TBCEL: variants seen among roughly 807,000 people sequenced by gnomAD.
TBCEL encodes tubulin folding cofactor E like, also known as tubulin-specific chaperone cofactor E-like protein.
In TBCEL, 15 loss-of-function variants were observed where a neutral mutation model predicts 44.2. The observed-to-expected ratio is 0.34, with a 90% confidence interval of 0.23 to 0.52. TBCEL has a LOEUF of 0.52. Among genes scored for constraint, TBCEL ranks in the 20% least tolerant of loss-of-function variants. TBCEL has a pLI of 0.95. For missense variants in TBCEL, 319 were observed against 506.3 expected (o/e 0.63, Z 3.55); for synonymous variants, 171 against 185.4 (o/e 0.92, Z 0.63).
chr11:121,068,705 G>A (rs1005792981), intron 8 of TBCEL, among the ~76,000 whole-genome samples: 1 of 151,964 alleles, frequency 6.6e-6, no homozygotes, highest in Non-Finnish European at 1.5e-5. Flanking sequence ...CCAACATGGA[G>A]AGACCCTGTC....
At chr11:121,075,546 T>G (rs899985186) in intron 8 of TBCEL, among the ~76,000 whole-genome samples, 1 of 152,032 alleles carries the variant, frequency 6.6e-6, no homozygotes, top group Non-Finnish European at 1.5e-5. Flanking sequence ...ACAGGAATTT[T>G]ATTAAACTTA....
chr11:121,044,068 T>C (rs934016219), intron 2 of TBCEL, among the ~76,000 whole-genome samples: 4 of 152,116 alleles, frequency 2.6e-5, no homozygotes, highest in Non-Finnish European at 4.4e-5. Context: ...TTTTTGACTT[T>C]ACCTTCTCCC....
At chr11:121,070,508 G>T (rs1945909011) in intron 8 of TBCEL, among the ~76,000 whole-genome samples, 1 of 152,138 alleles carries the variant, frequency 6.6e-6, no homozygotes, top group Admixed American at 6.5e-5. Flanking sequence ...ATACACCATG[G>T]AATACTATGC....
Position 121,045,772 on chromosome 11 carries a change from C to T in TBCEL, c.82C>T (p.Pro28Ser), listed in dbSNP as rs1945419052. The T allele has an allele frequency of 1.2e-6, 2 of 1,611,274 alleles. No individual in the cohort carries two copies. Among genetic ancestry groups the T allele is most frequent in the Non-Finnish European group, 8.5e-7 (1 of 1,179,014 alleles). The change falls in exon 3 of 9, where the codon CCG becomes TCG. Residue 28 changes from proline (P) to serine (S), a missense_variant. By Grantham distance (74) the Pro-to-Ser change is moderately conservative (BLOSUM62 -1). Transcript: ENST00000683345. ...SPENFPYRRG[P>S]GMGVHVPATP... Reference sequence around the variant, plus strand: ...TGAAAATTTTCCTTATCGCCGTGGCCCGGGGATGGGAGTCCATGTCCCAGC... The same window carrying T: ...TGAAAATTTTCCTTATCGCCGTGGCTCGGGGATGGGAGTCCATGTCCCAGC...
chr11:121,025,558 C>G (rs549627886), intron 1 of TBCEL, among the ~76,000 whole-genome samples: 5 of 152,034 alleles, frequency 3.3e-5, no homozygotes, highest in Non-Finnish European at 5.9e-5. Context: ...CACCCTCTTG[C>G]ATTAAAAAAA....
At position 121,068,315 on chromosome 11, in the gene TBCEL, C is replaced by G. The variant is rs574900031; in HGVS notation, c.956+8230C>G. On this transcript the variant is annotated intron_variant, in intron 8 of 8. Transcript: ENST00000683345. Reference sequence around the variant, plus strand: ...AGTTTTTCTCCTTTTTTCAATTATTCCAGTTGCTCAGGGAAAAAACACTGG... The same window carrying G: ...AGTTTTTCTCCTTTTTTCAATTATTGCAGTTGCTCAGGGAAAAAACACTGG... Among the ~76,000 whole-genome samples the G allele has an allele frequency of 2.0e-5, 3 of 152,102 alleles. No individual in the cohort carries two copies. The South Asian group carries it at 6.2e-4, about 32-fold the overall frequency.
chr11:121,055,595 C>A (rs2134949870), intron 6 of TBCEL, among the ~76,000 whole-genome samples: 2 of 151,814 alleles, frequency 1.3e-5, no homozygotes, highest in East Asian at 3.9e-4. Context: ...TATTAAAAGA[C>A]ACAGTAAAAA....
At chr11:121,047,488 T>C in intron 3 of TBCEL, 40 bp from the exon 4 acceptor site, 1 of 1,606,636 alleles carries the variant, frequency 6.2e-7, no homozygotes, top group South Asian at 1.1e-5. Context: ...GACAAGAATT[T>C]GGCTGATATA....
At chr11:121,068,542 C>T (rs1299200493) in intron 8 of TBCEL, among the ~76,000 whole-genome samples, 1 of 151,972 alleles carries the variant, frequency 6.6e-6, no homozygotes, top group Non-Finnish European at 1.5e-5. Flanking sequence ...CCTTAAGGCC[C>T]GTGCATCTCA....
intron 8 of TBCEL, 55 bp from the exon 9 acceptor site, chr11:121,086,723 C>G: frequency 7.4e-7 from 1 of 1,344,452 alleles, no homozygotes; most frequent in Non-Finnish European, 1.0e-6. Flanking sequence ...GGGAAGAAGT[C>G]CACAGTACAT....
At chr11:121,054,253 A>G (rs897388231) in intron 5 of TBCEL, among the ~76,000 whole-genome samples, 6 of 151,916 alleles carry the variant, frequency 3.9e-5, no homozygotes, top group African/African-American at 1.2e-4. Flanking sequence ...TAAGTGTGCA[A>G]AGGAAATTTA....
intron 8 of TBCEL, among the ~76,000 whole-genome samples, chr11:121,077,447 A>G (rs1343003529): frequency 6.6e-6 from 1 of 152,078 alleles, no homozygotes; most frequent in Non-Finnish European, 1.5e-5. Context: ...TGCTTATCAT[A>G]AGCCTTTAAT....
At chr11:121,071,341 C>T (rs1294062834) in intron 8 of TBCEL, among the ~76,000 whole-genome samples, 1 of 152,082 alleles carries the variant, frequency 6.6e-6, no homozygotes, top group Non-Finnish European at 1.5e-5. Flanking sequence ...TCTTTGGGAA[C>T]TCAATGATTT....
chr11:121,080,683 A>G (rs549837954), intron 8 of TBCEL, among the ~76,000 whole-genome samples: 1 of 152,352 alleles, frequency 6.6e-6, no homozygotes, highest in African/African-American at 2.4e-5. Flanking sequence ...ATAAATAGAA[A>G]CACAGACTAA....
At chr11:121,068,095 T>C (rs1945854111) in intron 8 of TBCEL, among the ~76,000 whole-genome samples, 1 of 152,204 alleles carries the variant, frequency 6.6e-6, no homozygotes, top group African/African-American at 2.4e-5. Context: ...TTCTGTATTC[T>C]GATAACTGCC....
At chr11:121,057,484 G>A (rs1441793017) in intron 6 of TBCEL, 1 of 366,682 alleles carries the variant, frequency 2.7e-6, no homozygotes, top group African/African-American at 2.2e-5. Flanking sequence ...CAGGTTTTTT[G>A]TTTTTGTTTG....
Position 121,087,878 on chromosome 11 carries a change from G to A in TBCEL, c.*782G>A, listed in dbSNP as rs929135910. The A allele has an allele frequency of 2.0e-5, 3 of 152,176 alleles. No homozygotes were observed. The highest frequency in any genetic ancestry group is 4.4e-5 in the Non-Finnish European group (3 of 68,032). The allele number at this position is 152,176 out of a possible 1,614,324, so 9.4% of individuals were successfully genotyped here. ...TTACTAACTCACTTTTAATGTCCCTGTACATTATGTCAGCCATTACTTTCA... is the reference window on the plus strand; with the variant it reads ...TTACTAACTCACTTTTAATGTCCCTATACATTATGTCAGCCATTACTTTCA... On this transcript the variant is annotated 3_prime_UTR_variant, in exon 9 of 9. Transcript: ENST00000683345.
Position 121,049,224 on chromosome 11 carries a change from C to T in TBCEL, c.273+1557C>T, listed in dbSNP as rs1939005. Among the ~76,000 whole-genome samples the T allele has an allele frequency of 1.9e-3, 290 of 151,958 alleles. 12 individuals carry two copies. The East Asian group carries it at 0.051, about 27-fold the overall frequency. On this transcript the variant is annotated intron_variant, in intron 4 of 8. Coordinates refer to ENST00000683345, the MANE Select transcript of TBCEL (RefSeq NM_001363644.2). ...TTTTCCTGTGATCTTAAGAAATTTA[C>T]TTAATCCTTTAGAGCTTTAGTTTGC...
rs146036809 is a variant in TBCEL, at chr11:121,078,843, T to G, written c.957-7935T>G. On this transcript the variant is annotated intron_variant, in intron 8 of 8. Transcript: ENST00000683345. ...TTCTGGTCCATGGAGATGCTTATCA[T>G]TTTTGAGACTGGCTATATCTTCTTA... Among the ~76,000 whole-genome samples, 399 of 152,344 alleles carry G rather than the reference T, an allele frequency of 2.6e-3. 1 individual carries two copies. The highest frequency in any genetic ancestry group is 4.1e-3 in the Non-Finnish European group (282 of 68,034).
Sources: allele counts gnomAD v4.1 joint callset (sites outside exome capture counted in the v4.1 genomes callset), GRCh38; gene constraint gnomAD v4.1.1; transcripts MANE v1.5; gene names NCBI Gene and HGNC (gene_info 2026-07-23, HGNC 2026-07-21).